The following INSL6 variants were observed in gnomAD, a reference collection of about 807,000 sequenced individuals.
INSL6 encodes insulin like 6, also known as insulin-like peptide INSL6.
In INSL6, 16 loss-of-function variants were observed where a neutral mutation model predicts 9.4. That is an observed-to-expected ratio of 1.70 (90% CI 1.15 to 2.59). The LOEUF (loss-of-function observed/expected upper bound fraction) is 2.59, where lower values mean the gene tolerates loss of function less well. Ranked by LOEUF, INSL6 falls within the 30% of genes most tolerant of loss-of-function variation. The pLI, the probability that INSL6 is intolerant of heterozygous loss-of-function variation, is 0.00. For synonymous variants in INSL6, 154 were observed against 96.9 expected, an observed-to-expected ratio of 1.59 and a Z score of -3.46; for missense variants, 391 against 257.3, an observed-to-expected ratio of 1.52 and a Z score of -3.56.
chr9:5,085,992 G>A, the INSL6 span: 2 of 933,008 alleles, frequency 2.1e-6, no homozygotes, highest in Non-Finnish European at 3.5e-6. Context: ...GTACGGGGTT[G>A]TGTGATGAAA....
chr9:5,030,995 C>G, the INSL6 span, among the ~76,000 whole-genome samples: 1 of 152,024 alleles, frequency 6.6e-6, no homozygotes, highest in African/African-American at 2.4e-5. Context: ...TGCAGTGTAG[C>G]TACAAAAACC....
the INSL6 span, chr9:5,099,469 C>T: frequency 2.6e-5 from 4 of 152,258 alleles, no homozygotes; most frequent in Admixed American, 2.0e-4. Flanking sequence ...CTTTATTCTC[C>T]ATTATTCAGT....
At chr9:5,162,983 C>G (rs1586870112), downstream of INSL6, among the ~76,000 whole-genome samples, 1 of 152,088 alleles carries the variant, frequency 6.6e-6, no homozygotes, top group East Asian at 1.9e-4. Context: ...AAAAAAAACA[C>G]CAAAAATTTA....
At chr9:5,128,478 G>C (rs1824146456) in intron 3 of INSL6, among the ~76,000 whole-genome samples, 1 of 151,766 alleles carries the variant, frequency 6.6e-6, no homozygotes, top group Non-Finnish European at 1.5e-5. Context: ...GTGAAAAATA[G>C]CCTATCATAC....
At chr9:5,112,389 A>G in the INSL6 span, 2 of 429,986 alleles carry the variant, frequency 4.7e-6, no homozygotes, top group Admixed American at 3.2e-5. Flanking sequence ...TGGGGAAATC[A>G]AGCGGGAGGA....
the INSL6 span, chr9:5,055,639 G>A: frequency 3.3e-5 from 49 of 1,499,362 alleles, no homozygotes; most frequent in Admixed American, 9.3e-5. Context: ...AATTCTACCC[G>A]TTTTTAATTT....
At chr9:5,031,737 A>G in the INSL6 span, among the ~76,000 whole-genome samples, 4 of 152,232 alleles carry the variant, frequency 2.6e-5, no homozygotes, top group African/African-American at 4.8e-5. Flanking sequence ...AAATTTTCAA[A>G]TGTCTGAAGG....
chr9:5,134,783 A>G (rs1266000479), intron 2 of INSL6, among the ~76,000 whole-genome samples: 1 of 152,124 alleles, frequency 6.6e-6, no homozygotes, highest in African/African-American at 2.4e-5. Flanking sequence ...CATCAACTAA[A>G]GGGCAAAATA....
the INSL6 span, chr9:5,099,828 A>AT: frequency 2.6e-4 from 39 of 152,296 alleles, no homozygotes; most frequent in Admixed American, 2.1e-3. Flanking sequence ...TACCCCATTC[A>AT]TTTACACCAA....
At chr9:5,117,745 A>G in the INSL6 span, among the ~76,000 whole-genome samples, 1 of 152,208 alleles carries the variant, frequency 6.6e-6, no homozygotes. Flanking sequence ...ACTCACAGAA[A>G]CAAAAGTTTT....
the INSL6 span, among the ~76,000 whole-genome samples, chr9:5,105,925 AAGACTTAAATGTT>A: frequency 1.3e-5 from 2 of 152,262 alleles, no homozygotes; most frequent in Admixed American, 1.3e-4. Context: ...AGATGGATTA[AAGACTTAAATGTT>A]AGACTTAAAA....
downstream of INSL6, among the ~76,000 whole-genome samples, chr9:5,158,952 G>A (rs1002011106): frequency 4.6e-5 from 7 of 152,058 alleles, no homozygotes; most frequent in African/African-American, 1.4e-4. Context: ...AAGACAGACA[G>A]TATAATGATA....
chr9:5,080,461 C>T, the INSL6 span: 11 of 1,525,664 alleles, frequency 7.2e-6, no homozygotes, highest in African/African-American at 1.4e-4. Flanking sequence ...TTTTTTAGCC[C>T]ATCTAATTTT....
At chr9:5,169,651 G>C (rs4455905) in intron 1 of INSL6, among the ~76,000 whole-genome samples, 1 of 152,014 alleles carries the variant, frequency 6.6e-6, no homozygotes, top group African/African-American at 2.4e-5. Context: ...GACACACATA[G>C]ACTCAAAATA....
chr9:5,168,866 C>G (rs2130909897), intron 1 of INSL6, among the ~76,000 whole-genome samples: 1 of 151,826 alleles, frequency 6.6e-6, no homozygotes, highest in African/African-American at 2.4e-5. Flanking sequence ...ATCACACTAA[C>G]AGCAGGCCTC....
the INSL6 span, chr9:5,112,592 C>T: frequency 3.9e-6 from 3 of 768,082 alleles, no homozygotes; most frequent in Admixed American, 2.5e-5. Flanking sequence ...TAAGAGGGCT[C>T]TTAAGGAGCT....
chr9:5,176,033 G>A (rs1439467120), intron 1 of INSL6, among the ~76,000 whole-genome samples: 1 of 151,996 alleles, frequency 6.6e-6, no homozygotes, highest in Non-Finnish European at 1.5e-5. Context: ...AAAAGGTTGG[G>A]GATTACTGGC....
chr9:5,072,943 T>C, the INSL6 span, among the ~76,000 whole-genome samples: 1 of 150,608 alleles, frequency 6.6e-6, no homozygotes, highest in African/African-American at 2.5e-5. Context: ...CCTCTACAAT[T>C]ACATTTATTT....
the INSL6 span, chr9:5,112,616 C>T: frequency 2.2e-6 from 2 of 917,414 alleles, no homozygotes; most frequent in South Asian, 2.0e-5. Flanking sequence ...GCGCATGTGG[C>T]AACTGCACCT....
Sources: gnomAD v4.1 joint callset for allele counts (sites outside exome capture counted in the v4.1 genomes callset) on GRCh38, gnomAD v4.1.1 for gene constraint, MANE v1.5 for transcripts, NCBI Gene and HGNC (gene_info 2026-07-23, HGNC 2026-07-21) for gene names.